MTOR: variants seen among roughly 807,000 people sequenced by gnomAD.
MTOR encodes the protein serine/threonine-protein kinase mTOR.
A neutral mutation model predicts 319.8 loss-of-function variants in MTOR; 70 were observed. The ratio of observed to expected loss-of-function variants is 0.22; its 90% confidence interval spans 0.18 to 0.27. The LOEUF (loss-of-function observed/expected upper bound fraction) is 0.27, where lower values mean the gene tolerates loss of function less well. Ranked by LOEUF, MTOR falls within the 10% of genes least tolerant of loss-of-function variation. The pLI, the probability that MTOR is intolerant of heterozygous loss-of-function variation, is 1.00. For missense variants in MTOR, 1,890 were observed against 3,274.4 expected, an observed-to-expected ratio of 0.58 and a Z score of 10.32; for synonymous variants, 1,183 against 1,211.4, an observed-to-expected ratio of 0.98 and a Z score of 0.49.
chr1:11,199,356 C>G lies in MTOR; in HGVS notation c.4155G>C (p.Glu1385Asp). 1 of 1,614,200 alleles carries G rather than the reference C, an allele frequency of 6.2e-7. No individual in the cohort carries two copies. The change falls in exon 28 of 58, where the codon GAG becomes GAC. Residue 1385 changes from glutamate to aspartate, a missense_variant. By Grantham distance (45) the Glu-to-Asp change is conservative. Around this residue, in one of 15 missense-constraint regions of MTOR, gnomAD observed 45 missense variants for 107.2 expected, o/e 0.42. Transcript: ENST00000361445. The surrounding 1 kb of genome is among the most constrained non-coding windows in gnomAD (Gnocchi z 4.5). ...CATATGCTCGGCACTTGGCAGCTCT[C>G]TCACCCAGCAGAACAATGCCATTGT... ...RDDNGIVLLGERAAKCRAYAK... is the reference protein window; with the variant it reads ...RDDNGIVLLGDRAAKCRAYAK...
chr1:11,252,893 C>T (rs1169195975), intron 6 of MTOR, among the ~76,000 whole-genome samples: 7 of 152,180 alleles, frequency 4.6e-5, no homozygotes, highest in Admixed American at 3.9e-4. Flanking sequence ...GTCTGGCAGC[C>T]GTGAGAATGC....
chr1:11,126,518 T>G, intron 46 of MTOR, 104 bp downstream of exon 46: 2 of 1,272,710 alleles, frequency 1.6e-6, no homozygotes, highest in East Asian at 4.8e-5. Context: ...GTAGCTATGA[T>G]AGGTGAGTAG....
chr1:11,131,099 C>G, intron 38 of MTOR: 1 of 377,686 alleles, frequency 2.6e-6, no homozygotes, highest in Non-Finnish European at 4.8e-6. Context: ...CCTAGGTACT[C>G]TGCAAGGCAC....
At chr1:11,202,574 C>T (rs762987660) in intron 26 of MTOR, among the ~76,000 whole-genome samples, 13 of 151,636 alleles carry the variant, frequency 8.6e-5, no homozygotes, top group South Asian at 2.1e-4. Context: ...GCAACATATC[C>T]ATGTAACAAA....
At chr1:11,258,107 CA>C (rs35956330) in intron 3 of MTOR, among the ~76,000 whole-genome samples, 175 of 136,078 alleles carry the variant, frequency 1.3e-3, no homozygotes, top group Middle Eastern at 3.6e-3. Context: ...GACTCCATCT[CA>C]AAAAAAAAAA....
intron 1 of MTOR, among the ~76,000 whole-genome samples, chr1:11,261,309 CA>C (rs1161523469): frequency 0.03 from 3,682 of 121,204 alleles, 128 homozygotes; most frequent in African/African-American, 0.092. Context: ...ACTAAAAATA[CA>C]AAAAAAAAAA....
intron 36 of MTOR, among the ~76,000 whole-genome samples, chr1:11,138,668 G>A (rs1050792269): frequency 1.3e-5 from 2 of 152,192 alleles, no homozygotes; most frequent in Non-Finnish European, 2.9e-5. Flanking sequence ...TTTTAAGAAG[G>A]AGGAAGGGGA....
At chr1:11,256,221 C>A in intron 4 of MTOR, 29 bp from the exon 5 acceptor site, 1 of 1,599,128 alleles carries the variant, frequency 6.3e-7, no homozygotes, top group Non-Finnish European at 8.5e-7. Flanking sequence ...CGAGAACTCT[C>A]ATTGGTACCA....
At position 11,194,399 on chromosome 1, in the gene MTOR, T is replaced by A. The variant is rs113399509; in HGVS notation, c.4253+4859A>T. On this transcript the variant is annotated intron_variant, in intron 28 of 57. Coordinates refer to ENST00000361445, the MANE Select transcript of MTOR (RefSeq NM_004958.4). The stretch of plus-strand genomic sequence containing the variant: ...TATGGGACTGTCAGGAGAGAAGGGG[T>A]ATAGAGACAGCATGAAATGGAGCCT... 4 of 1,499,442 alleles carry A rather than the reference T, an allele frequency of 2.7e-6. No individual in the cohort carries two copies. In the African/African-American group the frequency reaches 5.5e-5, roughly 21 times the overall value. 92.9% of individuals were successfully genotyped at this position (1,499,442 alleles called of 1,614,324 possible).
At chr1:11,238,347 CA>C in intron 12 of MTOR, 54 bp downstream of exon 12, 2 of 1,572,636 alleles carry the variant, frequency 1.3e-6, no homozygotes. Context: ...TGGCTACTCC[CA>C]ATTGTCCTAA....
At chr1:11,125,663 G>A (rs975727815) in intron 46 of MTOR, among the ~76,000 whole-genome samples, 2 of 151,206 alleles carry the variant, frequency 1.3e-5, no homozygotes, top group African/African-American at 4.9e-5. Context: ...TCAGGAGGTG[G>A]GGTTGCAGTG....
intron 28 of MTOR, among the ~76,000 whole-genome samples, chr1:11,187,689 T>C (rs1290776397): frequency 1.3e-5 from 2 of 152,190 alleles, no homozygotes; most frequent in Non-Finnish European, 2.9e-5. Flanking sequence ...GGAGATCCAC[T>C]TGAAAATCCC....
intron 15 of MTOR, among the ~76,000 whole-genome samples, chr1:11,232,766 T>C (rs1460576362): frequency 6.6e-6 from 1 of 151,940 alleles, no homozygotes; most frequent in Non-Finnish European, 1.5e-5. Context: ...TCCCGGCTAC[T>C]TGGGAGGGTG....
chr1:11,189,325 A>C, intron 28 of MTOR: 1 of 407,490 alleles, frequency 2.5e-6, no homozygotes, highest in East Asian at 4.5e-5. Flanking sequence ...GCAGCAAACA[A>C]TATTTAAGAT....
rs931782473 is a variant in MTOR at position 11,199,721 on chromosome 1, G to A, written c.3945-18C>T. On this transcript the variant is annotated intron_variant, in intron 26 of 57. Transcript: ENST00000361445. The surrounding 1 kb of genome is among the most constrained non-coding windows in gnomAD (Gnocchi z 4.5). ...AGAGATCCCTGAAGGCAGAGAAGGT[G>A]GAAAATGGAGAGACCTCCCGTGCCT... The A allele has an allele frequency of 3.7e-6, 6 of 1,611,702 alleles. No homozygotes were observed. The highest frequency in any genetic ancestry group is 4.2e-6 in the Non-Finnish European group (5 of 1,178,358).
intron 28 of MTOR, among the ~76,000 whole-genome samples, chr1:11,180,293 C>T (rs901712718): frequency 1.4e-4 from 21 of 152,160 alleles, no homozygotes; most frequent in Non-Finnish European, 2.1e-4. Flanking sequence ...AAAAGGACCG[C>T]ATATCTTTTC....
At chr1:11,261,990 G>A (rs1202818772) in intron 1 of MTOR, among the ~76,000 whole-genome samples, 1 of 152,136 alleles carries the variant, frequency 6.6e-6, no homozygotes, top group Non-Finnish European at 1.5e-5. Context: ...GGATGGGGCT[G>A]GGGGAGAGGG....
intron 54 of MTOR, among the ~76,000 whole-genome samples, chr1:11,111,313 T>C (rs1401498067): frequency 6.6e-6 from 1 of 151,870 alleles, no homozygotes; most frequent in East Asian, 1.9e-4. Context: ...ACCCTATCTC[T>C]ACTAAAAATT....
intron 38 of MTOR, 110 bp downstream of exon 38, chr1:11,132,969 AG>A: frequency 1.1e-6 from 1 of 873,654 alleles, no homozygotes; most frequent in Non-Finnish European, 1.9e-6. Context: ...TCAAGGAGTA[AG>A]TTCACAGCAT....
Sources: gnomAD v4.1 joint callset for allele counts (sites outside exome capture counted in the v4.1 genomes callset) on GRCh38, gnomAD v4.1.1 for gene constraint, gnomAD v4.1.1 regional missense constraint, Gnocchi (gnomAD v3.1) non-coding constraint, MANE v1.5 for transcripts, NCBI Gene and HGNC (gene_info 2026-07-23, HGNC 2026-07-21) for gene names.